CDH3: variants seen among roughly 807,000 people sequenced by gnomAD.
The protein encoded by CDH3 is cadherin 3, also known as cadherin-3.
In CDH3, 54 loss-of-function variants were observed where a neutral mutation model predicts 82.0. That is an observed-to-expected ratio of 0.66 (90% CI 0.53 to 0.83). The LOEUF (loss-of-function observed/expected upper bound fraction) is 0.83, where lower values mean the gene tolerates loss of function less well. Among genes scored for constraint, CDH3 ranks in the 40% least tolerant of loss-of-function variants. CDH3 has a pLI of 0.00. For missense variants in CDH3, 1,054 were observed against 1,084.6 expected (o/e 0.97, Z 0.40); for synonymous variants, 446 against 437.9 (o/e 1.02, Z -0.23).
At position 68,687,546 on chromosome 16, in the gene CDH3, G is replaced by T. The variant is rs1961447976; in HGVS notation, c.1605G>T (p.Leu535=). 6.2e-7 allele frequency: 1 copy of T among 1,614,106 alleles called. No individual in the cohort carries two copies. The highest frequency in any genetic ancestry group is 1.3e-5 in the African/African-American group (1 of 75,026). Residue 535 remains leucine, a synonymous_variant, in exon 12 of 16, where the codon CTG becomes CTT. Coordinates refer to ENST00000264012, the MANE Select transcript of CDH3 (RefSeq NM_001793.6). ...CCACCACTGGCACGGGAACCCTTCT[G>T]CTAACACTGATTGATGTCAATGACC... ...SPPTTGTGTL[L]LTLIDVNDHG...
downstream of CDH3, among the ~76,000 whole-genome samples, chr16:68,732,374 G>C (rs752072020): frequency 3.5e-4 from 54 of 152,214 alleles, no homozygotes; most frequent in Non-Finnish European, 6.6e-4. Flanking sequence ...CCCTTGCCAG[G>C]AGATGAAAGG....
chr16:68,645,700 C>G lies in CDH3; in HGVS notation c.110C>G (p.Thr37Ser), dbSNP rs1455527740. Residue 37 changes from threonine to serine, a missense_variant, in exon 2 of 16, where the codon ACC (threonine) becomes AGC (serine). Physicochemically the swap from Thr to Ser is moderately conservative, Grantham distance 58. Coordinates refer to ENST00000264012, the MANE Select transcript of CDH3 (RefSeq NM_001793.6). ...GCGGTCTTCAGGGAGGCTGAAGTGACCTTGGAGGCGGGAGGCGCGGAGCAG... is the reference window on the plus strand; with the variant it reads ...GCGGTCTTCAGGGAGGCTGAAGTGAGCTTGGAGGCGGGAGGCGCGGAGCAG... ...CRAVFREAEV[T>S]LEAGGAEQEP... 2.6e-6 allele frequency: 4 copies of G among 1,546,382 alleles called. No individual in the cohort carries two copies. In the Admixed American group the frequency reaches 5.9e-5, roughly 23 times the overall value.
At chr16:68,648,487 C>T (rs1007345142) in intron 2 of CDH3, among the ~76,000 whole-genome samples, 8 of 151,302 alleles carry the variant, frequency 5.3e-5, no homozygotes, top group African/African-American at 1.7e-4. Flanking sequence ...CGCTCTGTCA[C>T]CCAGCCCAGG....
chr16:68,727,873 C>A (rs1475588394), downstream of CDH3, among the ~76,000 whole-genome samples: 1 of 152,074 alleles, frequency 6.6e-6, no homozygotes, highest in East Asian at 1.9e-4. Context: ...CACGCCACTG[C>A]ACTCCAGCCT....
chr16:68,695,733 G>T (rs746536184), intron 14 of CDH3, 44 bp from the exon 15 acceptor site: 1 of 1,608,670 alleles, frequency 6.2e-7, no homozygotes, highest in Admixed American at 1.7e-5. Flanking sequence ...GGGGAGTGGG[G>T]GACAGGAGTC....
chr16:68,698,672 G>T lies in CDH3; in HGVS notation c.*272G>T. The T allele has an allele frequency of 1.9e-6, 1 of 516,964 alleles. No homozygotes were observed. Among genetic ancestry groups the T allele is most frequent in the Non-Finnish European group, 3.5e-6 (1 of 286,732 alleles). The allele number at this position is 516,964 out of a possible 1,614,324, so 32.0% of individuals were successfully genotyped here. ...AGTTTCCAGAAGCCTCTTACCTGCC[G>T]TAAAATGCTCAACCCTGTGTCCTGG... On this transcript the variant is annotated 3_prime_UTR_variant, in exon 16 of 16. Transcript: ENST00000264012.
intron 1 of CDH3, among the ~76,000 whole-genome samples, chr16:68,708,010 C>A (rs1466275029): frequency 6.6e-6 from 1 of 152,062 alleles, no homozygotes; most frequent in Admixed American, 6.6e-5. Flanking sequence ...CCCAGGCACT[C>A]CAGGAAGACG....
chr16:68,647,996 T>C (rs955696269), intron 2 of CDH3, among the ~76,000 whole-genome samples: 1 of 152,222 alleles, frequency 6.6e-6, no homozygotes, highest in Non-Finnish European at 1.5e-5. Flanking sequence ...AATTAATGCC[T>C]TGTTTGTATG....
chr16:68,718,608 G>C lies in CDH3; in HGVS notation c.100-3817G>C, dbSNP rs1261416344. Among the ~76,000 whole-genome samples, 10 of 152,164 alleles carry C rather than the reference G, an allele frequency of 6.6e-5. No homozygotes were observed. In the East Asian group the frequency reaches 1.6e-3, roughly 24 times the overall value. ...GAGACAACAAAATCGCTTGAACCCG[G>C]GAGGTGGAGGTTGCAGTGAGCCGAG... On this transcript the variant is annotated intron_variant, in intron 1 of 2. Coordinates refer to the CDH3 transcript ENST00000569080.
chr16:68,710,946 G>GAGGAGAGGGGAGGGGAGGGGA, intron 1 of CDH3, among the ~76,000 whole-genome samples: 1 of 121,346 alleles, frequency 8.2e-6, no homozygotes, highest in East Asian at 2.9e-4. Context: ...GAGGGGAGGG[G>GAGGAGAGGGGAGGGGAGGGGA]AGGAGAGGGG....
chr16:68,652,142 C>T (rs1330197563), intron 2 of CDH3, among the ~76,000 whole-genome samples: 2 of 152,150 alleles, frequency 1.3e-5, no homozygotes, highest in Non-Finnish European at 2.9e-5. Context: ...AGGAATTAAA[C>T]CCTGGTGTTT....
chr16:68,708,613 C>CTTTCT (rs1597827239), intron 1 of CDH3, among the ~76,000 whole-genome samples: 3 of 151,784 alleles, frequency 2.0e-5, no homozygotes, highest in East Asian at 1.9e-4. Flanking sequence ...TTCTGTCTTT[C>CTTTCT]TTTCTTTTCT....
chr16:68,684,857 T>C lies in CDH3; in HGVS notation c.1424+33T>C, dbSNP rs201710622. 3.1e-6 allele frequency: 5 copies of C among 1,613,558 alleles called. No homozygotes were observed. The African/African-American group carries it at 4.0e-5, about 13-fold the overall frequency. ...GGAGCTGGGCTCAGTAAGCAGCACG[T>C]ACTGGTACAGTTGGTGGGTGGGTGA... On this transcript the variant is annotated intron_variant, in intron 10 of 15. Transcript: ENST00000264012.
intron 1 of CDH3, among the ~76,000 whole-genome samples, chr16:68,706,544 CTTT>C (rs34364461): frequency 1.5e-4 from 12 of 81,668 alleles, no homozygotes; most frequent in Admixed American, 4.4e-4. Flanking sequence ...GTCACATTTC[CTTT>C]TTTTTTTTTT....
intron 2 of CDH3, among the ~76,000 whole-genome samples, chr16:68,647,170 ATG>A (rs1567433910): frequency 6.6e-6 from 1 of 152,132 alleles, no homozygotes; most frequent in Non-Finnish European, 1.5e-5. Context: ...ACCTGTAAAA[ATG>A]TGAATTCGGG....
intron 9 of CDH3, among the ~76,000 whole-genome samples, chr16:68,683,355 TAAAG>T (rs1961282586): frequency 6.6e-6 from 1 of 151,814 alleles, no homozygotes; most frequent in Non-Finnish European, 1.5e-5. Flanking sequence ...CTAACTAAAA[TAAAG>T]AAAAAATCCA....
In CDH3 at chr16:68,651,295, A is replaced by G. The variant is rs530011400; in HGVS notation, c.160+5545A>G. 101 of 549,280 alleles carry G rather than the reference A, an allele frequency of 1.8e-4. 2 individuals carry two copies. Among genetic ancestry groups the G allele is most frequent in the South Asian group, 1.4e-3 (100 of 72,524 alleles). The allele number at this position is 549,280 out of a possible 1,614,324, so 34.0% of individuals were successfully genotyped here. The stretch of plus-strand genomic sequence containing the variant: ...GTGCAGCTGGGTCCAGGGAGCCGTC[A>G]TGCCCATGTGGCTGGCGCACTTGTT... On this transcript the variant is annotated intron_variant, in intron 2 of 15. Coordinates refer to ENST00000264012, the MANE Select transcript of CDH3 (RefSeq NM_001793.6).
At chr16:68,652,325 C>G (rs953992810) in intron 2 of CDH3, among the ~76,000 whole-genome samples, 1 of 152,160 alleles carries the variant, frequency 6.6e-6, no homozygotes, top group Non-Finnish European at 1.5e-5. Flanking sequence ...GGTCTCAAAC[C>G]TCTAGTCTCC....
rs1200440208 is a variant in CDH3, at chr16:68,698,746, GAA to G, written c.*347_*348del. On this transcript the variant is annotated 3_prime_UTR_variant, in exon 16 of 16. Coordinates refer to ENST00000264012, the MANE Select transcript of CDH3 (RefSeq NM_001793.6). ...TACAGTGGACTTTCTCTCTGGAATG[GAA>G]CCTTCTTAGGCCTCCTGGTGCAACT... 3.5e-6 allele frequency: 1 copy of G among 283,684 alleles called. No homozygotes were observed. The highest frequency in any genetic ancestry group is 2.2e-5 in the African/African-American group (1 of 45,714). The allele number at this position is 283,684 out of a possible 1,614,324, so 17.6% of individuals were successfully genotyped here.
Sources: gnomAD v4.1 joint callset for allele counts (sites outside exome capture counted in the v4.1 genomes callset) on GRCh38, gnomAD v4.1.1 for gene constraint, MANE v1.5 for transcripts, NCBI Gene and HGNC (gene_info 2026-07-23, HGNC 2026-07-21) for gene names.